The following REC114 variants were observed in gnomAD, a reference collection of about 807,000 sequenced individuals.
REC114 encodes the protein meiotic recombination protein REC114.
Under a neutral mutation model 31.3 loss-of-function variants are expected in REC114, and 27 were observed. That is an observed-to-expected ratio of 0.86 (90% confidence interval 0.64 to 1.19). The LOEUF (loss-of-function observed/expected upper bound fraction) is 1.19. Among genes scored for constraint, REC114 ranks in the 50% most tolerant of loss-of-function variants. The pLI, the probability that REC114 is intolerant of heterozygous loss-of-function variation, is 0.00. For synonymous variants in REC114, 134 were observed against 127.7 expected, an observed-to-expected ratio of 1.05 and a Z score of -0.33; for missense variants, 344 against 326.9, an observed-to-expected ratio of 1.05 and a Z score of -0.40.
intron 2 of REC114, among the ~76,000 whole-genome samples, chr15:73,505,510 A>G (rs1893664163): frequency 6.7e-6 from 1 of 150,148 alleles, no homozygotes; most frequent in East Asian, 2.0e-4. Context: ...TTCTTATCCA[A>G]CATTCAACTG....
chr15:73,454,507 A>C (rs1408076287), intron 1 of REC114, among the ~76,000 whole-genome samples: 1 of 152,178 alleles, frequency 6.6e-6, no homozygotes, highest in Non-Finnish European at 1.5e-5. Flanking sequence ...TGAATTATTC[A>C]CCACATTCTA....
At chr15:73,476,115 C>T (rs1344564130) in intron 2 of REC114, among the ~76,000 whole-genome samples, 1 of 152,102 alleles carries the variant, frequency 6.6e-6, no homozygotes, top group Non-Finnish European at 1.5e-5. Flanking sequence ...GATAGTCACA[C>T]AATGACAAGA....
At chr15:73,556,184 T>C in intron 4 of REC114, 118 bp from the exon 5 acceptor site, 1 of 809,042 alleles carries the variant, frequency 1.2e-6, no homozygotes, top group Non-Finnish European at 1.9e-6. Flanking sequence ...ACCATTTTTA[T>C]CACTCTTAGT....
chr15:73,557,100 C>T (rs1355128027), intron 5 of REC114, among the ~76,000 whole-genome samples: 1 of 151,150 alleles, frequency 6.6e-6, no homozygotes, highest in Non-Finnish European at 1.5e-5. Context: ...CTCACCATGC[C>T]TCAGCACCCA....
In REC114 at chr15:73,496,546, G is replaced by A. The variant is rs147064472; in HGVS notation, c.249+22625G>A. Among the ~76,000 whole-genome samples the A allele has an allele frequency of 3.5e-3, 537 of 151,520 alleles. 1 individual carries two copies. Among genetic ancestry groups the A allele is most frequent in the Non-Finnish European group, 6.1e-3 (416 of 67,858 alleles). The stretch of plus-strand genomic sequence containing the variant: ...CGGACACCTGTAATCCCAGCTACTT[G>A]GGAGGCTGAGGCAGGAGAATTGTTT... On this transcript the variant is annotated intron_variant, in intron 2 of 5. Coordinates refer to ENST00000331090, the MANE Select transcript of REC114 (RefSeq NM_001042367.2).
intron 1 of REC114, among the ~76,000 whole-genome samples, chr15:73,462,884 C>CAAAAAAAAAAAAAAAAAAAA (rs769569268): frequency 2.5e-4 from 14 of 55,648 alleles, no homozygotes; most frequent in East Asian, 1.1e-3. Context: ...GACTCCGTCT[C>CAAAAAAAAAAAAAAAAAAAA]AAAAAAAAAA....
chr15:73,550,168 A>C (rs1373981142), intron 3 of REC114, among the ~76,000 whole-genome samples: 2 of 152,220 alleles, frequency 1.3e-5, no homozygotes, highest in African/African-American at 4.8e-5. Flanking sequence ...GCAGAGTAGT[A>C]GACTAGAAAA....
At chr15:73,515,684 A>C (rs2141317359) in intron 2 of REC114, among the ~76,000 whole-genome samples, 1 of 152,310 alleles carries the variant, frequency 6.6e-6, no homozygotes, top group East Asian at 1.9e-4. Flanking sequence ...AAGAAAGGCC[A>C]TGTGTGAGCA....
chr15:73,456,872 T>G (rs541667974), intron 1 of REC114, among the ~76,000 whole-genome samples: 1 of 152,162 alleles, frequency 6.6e-6, no homozygotes, highest in African/African-American at 2.4e-5. Flanking sequence ...AATTCAATTA[T>G]GTGGATGAAG....
intron 1 of REC114, among the ~76,000 whole-genome samples, chr15:73,456,998 G>A (rs1325520184): frequency 6.7e-6 from 1 of 149,996 alleles, no homozygotes; most frequent in Non-Finnish European, 1.5e-5. Flanking sequence ...ATTTTTTATT[G>A]CAGGCCTAAT....
chr15:73,550,931 C>T lies in REC114; in HGVS notation c.334-7C>T. 6.2e-7 allele frequency: 1 copy of T among 1,613,400 alleles called. No homozygotes were observed. The highest frequency in any genetic ancestry group is 2.2e-5 in the East Asian group (1 of 44,874). ...TCTCTCATGATAACTTTTGATTTGT[C>T]AAACAGGACAAGAGTCGCCTGTTTC... On this transcript the variant is annotated splice_polypyrimidine_tract_variant and splice_region_variant and intron_variant, in intron 3 of 5. Transcript: ENST00000331090.
chr15:73,550,899 A>G (rs1894378018), intron 3 of REC114, 39 bp from the exon 4 acceptor site: 1 of 1,584,770 alleles, frequency 6.3e-7, no homozygotes, highest in African/African-American at 1.3e-5. Flanking sequence ...TAGTTATATG[A>G]TGAGGGTCTC....
intron 1 of REC114, among the ~76,000 whole-genome samples, chr15:73,452,264 C>A (rs191388944): frequency 6.6e-6 from 1 of 152,314 alleles, no homozygotes; most frequent in Admixed American, 6.5e-5. Context: ...TCTCCTTAAG[C>A]TGATAAGCAA....
chr15:73,546,817 G>GAAA (rs11421177), intron 3 of REC114, among the ~76,000 whole-genome samples: 16 of 115,842 alleles, frequency 1.4e-4, no homozygotes, highest in African/African-American at 3.3e-4. Flanking sequence ...TCTGTCTCAG[G>GAAA]AAAAAAAAAA....
chr15:73,444,790 T>C (rs1892744209), intron 1 of REC114, among the ~76,000 whole-genome samples: 2 of 152,220 alleles, frequency 1.3e-5, no homozygotes, highest in Non-Finnish European at 2.9e-5. Flanking sequence ...AATCACTATC[T>C]ACAGAAGCTA....
Position 73,512,178 on chromosome 15 carries a change from G to T in REC114, c.250-28307G>T, listed in dbSNP as rs1469008887. On this transcript the variant is annotated intron_variant, in intron 2 of 5. Coordinates refer to ENST00000331090, the MANE Select transcript of REC114 (RefSeq NM_001042367.2). ...GATAGTTAGCTCTTCTTGTTGAATT[G>T]ATCTCTTTACCATTATGTAATGGCC... is the stretch of plus-strand genomic sequence containing the variant. 2.3e-5 allele frequency among the ~76,000 whole-genome samples: 3 copies of T among 132,466 alleles called. 1 individual carries two copies. The East Asian group carries it at 6.3e-4, about 28-fold the overall frequency. 86.9% of individuals were successfully genotyped at this position (132,466 alleles called of 152,430 possible). A position where few individuals can be genotyped will look rare whatever the true frequency, so the allele number is the denominator to read the frequency against.
intron 2 of REC114, among the ~76,000 whole-genome samples, chr15:73,501,476 G>A (rs1452600710): frequency 6.6e-6 from 1 of 152,102 alleles, no homozygotes; most frequent in South Asian, 2.1e-4. Flanking sequence ...GCAGAGTCTC[G>A]CTCTGTCTCC....
chr15:73,520,235 TTTTG>T (rs141671389), intron 2 of REC114, among the ~76,000 whole-genome samples: 27 of 152,074 alleles, frequency 1.8e-4, no homozygotes, highest in Admixed American at 3.3e-4. Flanking sequence ...GTTTTGGGTT[TTTTG>T]TTTGTTTGTT....
intron 2 of REC114, among the ~76,000 whole-genome samples, chr15:73,499,038 G>C (rs1421210016): frequency 6.6e-6 from 1 of 152,054 alleles, no homozygotes; most frequent in East Asian, 1.9e-4. Flanking sequence ...CTACTGACTT[G>C]TTTGCAGAAT....
Sources: gnomAD v4.1 joint callset for allele counts (sites outside exome capture counted in the v4.1 genomes callset) on GRCh38, gnomAD v4.1.1 for gene constraint, MANE v1.5 for transcripts, NCBI Gene and HGNC (gene_info 2026-07-23, HGNC 2026-07-21) for gene names.